The following TRIM55 variants were observed in gnomAD, a reference collection of about 807,000 sequenced individuals.
TRIM55 encodes the protein tripartite motif containing 55, also known as tripartite motif-containing protein 55.
TRIM55 carries 50 observed loss-of-function variants against 60.9 expected under a neutral mutation model. That is an observed-to-expected ratio of 0.82 (90% confidence interval 0.65 to 1.04). The LOEUF is 1.04. Ranked by LOEUF, TRIM55 falls within the 50% of genes least tolerant of loss-of-function variation. The probability of loss-of-function intolerance (pLI) is 0.00; values close to 1 mark genes in which losing one functional copy is unlikely to be tolerated. For synonymous variants in TRIM55, 237 were observed against 238.1 expected (o/e 1.00, Z 0.04); for missense variants, 681 against 666.9 (o/e 1.02, Z -0.23).
chr8:66,121,160 C>G, the TRIM55 span, among the ~76,000 whole-genome samples: 1 of 152,202 alleles, frequency 6.6e-6, no homozygotes, highest in Non-Finnish European at 1.5e-5. Flanking sequence ...ACTCAGGTTC[C>G]TAGGGACCCA....
chr8:66,160,191 A>G lies in TRIM55; in HGVS notation c.1524+5857A>G, dbSNP rs139577920. Among the ~76,000 whole-genome samples the G allele has an allele frequency of 2.7e-3, 407 of 152,214 alleles. 5 individuals carry two copies. The highest frequency in any genetic ancestry group is 9.4e-3 in the African/African-American group (390 of 41,560). Reference sequence around the variant, plus strand: ...CTCCAAAGTCCCATGTATTATTCTTATGCCTTTGCATCCTTATAGCTTAGC... The same window carrying G: ...CTCCAAAGTCCCATGTATTATTCTTGTGCCTTTGCATCCTTATAGCTTAGC... On this transcript the variant is annotated intron_variant, in intron 9 of 9. Transcript: ENST00000315962.
the TRIM55 span, chr8:66,114,697 CCATCTCAAGTCCGCAGG>C: frequency 4.4e-6 from 2 of 453,424 alleles, no homozygotes; most frequent in Non-Finnish European, 8.9e-6. Flanking sequence ...CTGTTCGGCC[CCATCTCAAGTCCGCAGG>C]GCGGACTGCC....
chr8:66,120,583 C>G, the TRIM55 span, among the ~76,000 whole-genome samples: 1 of 152,136 alleles, frequency 6.6e-6, no homozygotes. Flanking sequence ...AATGAAACCC[C>G]CATAAGAACT....
chr8:66,130,794 G>A (rs926714764), intron 2 of TRIM55, among the ~76,000 whole-genome samples: 2 of 151,414 alleles, frequency 1.3e-5, no homozygotes, highest in African/African-American at 2.4e-5. Context: ...CCAAGTAGCT[G>A]GGACTACAGG....
upstream of TRIM55, among the ~76,000 whole-genome samples, chr8:66,123,108 C>T (rs111817565): frequency 0.025 from 3,786 of 152,252 alleles, 139 homozygotes; most frequent in African/African-American, 0.085. Flanking sequence ...CTTCACAACC[C>T]CTTATCTAAA....
chr8:66,162,654 CT>C (rs1214768813), intron 9 of TRIM55, among the ~76,000 whole-genome samples: 2 of 151,776 alleles, frequency 1.3e-5, no homozygotes, highest in African/African-American at 2.4e-5. Context: ...GGTCCTAGAC[CT>C]TTTTTTGTTG....
intron 2 of TRIM55, among the ~76,000 whole-genome samples, chr8:66,132,505 A>G (rs1333415604): frequency 1.3e-5 from 2 of 152,194 alleles, no homozygotes; most frequent in Admixed American, 1.3e-4. Context: ...CCTCACCAAG[A>G]CCAGATGCCC....
intron 2 of TRIM55, among the ~76,000 whole-genome samples, chr8:66,133,039 G>C (rs74688006): frequency 0.085 from 12,899 of 152,222 alleles, 757 homozygotes; most frequent in Middle Eastern, 0.14. Context: ...CTCTTGCTTA[G>C]CCCACATTAA....
upstream of TRIM55, among the ~76,000 whole-genome samples, chr8:66,125,503 C>T (rs1005044704): frequency 2.0e-5 from 3 of 152,208 alleles, no homozygotes; most frequent in African/African-American, 7.2e-5. Flanking sequence ...ACTTAGATAG[C>T]AAGGTCTTTT....
At chr8:66,117,892 C>G in the TRIM55 span, among the ~76,000 whole-genome samples, 21 of 151,980 alleles carry the variant, frequency 1.4e-4, no homozygotes, top group Middle Eastern at 6.8e-3. Flanking sequence ...GGAGGCCGGG[C>G]ACGGTGGCTC....
chr8:66,126,720 A>G (rs1808832353), upstream of TRIM55, among the ~76,000 whole-genome samples: 1 of 152,142 alleles, frequency 6.6e-6, no homozygotes, highest in Non-Finnish European at 1.5e-5. Context: ...ATTTTCACCT[A>G]AGAAGGTGCT....
intron 4 of TRIM55, among the ~76,000 whole-genome samples, chr8:66,142,688 G>A (rs1474398545): frequency 6.6e-6 from 1 of 152,236 alleles, no homozygotes; most frequent in African/African-American, 2.4e-5. Flanking sequence ...ACATGAAGTA[G>A]TAGAAAAGAG....
intron 8 of TRIM55, 150 bp downstream of exon 8, chr8:66,152,777 C>T: frequency 8.8e-7 from 1 of 1,130,446 alleles, no homozygotes. Context: ...GGACAGTCCT[C>T]ATGTCGGGGA....
At chr8:66,155,848 A>T in intron 9 of TRIM55, 1 of 650,286 alleles carries the variant, frequency 1.5e-6, no homozygotes, top group Non-Finnish European at 2.6e-6. Context: ...TTCTCAGATT[A>T]TACTGGAGGC....
chr8:66,128,280 T>G, intron 1 of TRIM55, 24 bp from the exon 2 acceptor site: 1 of 1,555,330 alleles, frequency 6.4e-7, no homozygotes, highest in Non-Finnish European at 8.7e-7. Context: ...ACCCAATTCC[T>G]TTTTTCTTAC....
At chr8:66,147,558 A>G (rs978149306) in intron 4 of TRIM55, among the ~76,000 whole-genome samples, 7 of 152,150 alleles carry the variant, frequency 4.6e-5, no homozygotes, top group African/African-American at 1.7e-4. Context: ...GCACTTTGGG[A>G]GGCCGAGGCG....
chr8:66,132,060 T>C (rs979422099), intron 2 of TRIM55, among the ~76,000 whole-genome samples: 2 of 152,238 alleles, frequency 1.3e-5, no homozygotes, highest in Non-Finnish European at 1.5e-5. Context: ...CTTAATCTGA[T>C]ATTTGATACG....
the TRIM55 span, among the ~76,000 whole-genome samples, chr8:66,116,418 G>A: frequency 2.6e-5 from 4 of 151,866 alleles, no homozygotes; most frequent in African/African-American, 9.7e-5. Flanking sequence ...ACCAGCCTGG[G>A]CAACATGGTG....
the TRIM55 span, among the ~76,000 whole-genome samples, chr8:66,117,818 A>T: frequency 2.6e-5 from 4 of 152,130 alleles, no homozygotes; most frequent in African/African-American, 9.7e-5. Context: ...ACTTGTTGGG[A>T]CTGTCGCTGC....
Sources: allele counts gnomAD v4.1 joint callset (sites outside exome capture counted in the v4.1 genomes callset), GRCh38; gene constraint gnomAD v4.1.1; transcripts MANE v1.5; gene names NCBI Gene and HGNC (gene_info 2026-07-23, HGNC 2026-07-21).